Variants in GSAP observed in about 807,000 individuals in gnomAD.
GSAP encodes the protein gamma-secretase-activating protein.
GSAP carries 118 observed loss-of-function variants against 131.7 expected under a neutral mutation model. That is an observed-to-expected ratio of 0.90 (90% CI 0.77 to 1.04). GSAP has a LOEUF of 1.04. Among genes scored for constraint, GSAP ranks in the 50% least tolerant of loss-of-function variants. The probability of loss-of-function intolerance (pLI) is 0.00; values close to 1 mark genes in which losing one functional copy is unlikely to be tolerated. For missense variants in GSAP, 1,019 were observed against 1,013.2 expected, an observed-to-expected ratio of 1.01 and a Z score of -0.08; for synonymous variants, 381 against 363.4, an observed-to-expected ratio of 1.05 and a Z score of -0.55.
intron 14 of GSAP, among the ~76,000 whole-genome samples, chr7:77,357,768 C>T (rs1739968660): frequency 6.6e-6 from 1 of 152,208 alleles, no homozygotes; most frequent in Admixed American, 6.5e-5. Context: ...AAATTCTTCC[C>T]TGGAGCCTCC....
At chr7:77,385,555 A>G (rs895422482) in intron 6 of GSAP, among the ~76,000 whole-genome samples, 2 of 152,190 alleles carry the variant, frequency 1.3e-5, no homozygotes, top group African/African-American at 2.4e-5. Context: ...TAAGGAAGCC[A>G]AAGAACAGAC....
In GSAP at chr7:77,310,930, G is replaced by A. The variant is rs1794285075; in HGVS notation, c.*428C>T. On this transcript the variant is annotated 3_prime_UTR_variant, in exon 31 of 31. Coordinates refer to ENST00000257626, the MANE Select transcript of GSAP (RefSeq NM_017439.4). ...TTTAGTACAAATTCAGTTTTTAAAA[G>A]GACCCTCTTTCCAAATAGTGTTCTT... 1 of 155,912 alleles carries A rather than the reference G, an allele frequency of 6.4e-6. No individual in the cohort carries two copies. The highest frequency in any genetic ancestry group is 2.4e-5 in the African/African-American group (1 of 41,526). 9.7% of individuals were successfully genotyped at this position (155,912 alleles called of 1,614,324 possible). A position where few individuals can be genotyped will look rare whatever the true frequency, so the allele number is the denominator to read the frequency against.
At chr7:77,322,781 C>A (rs1399395717) in intron 24 of GSAP, among the ~76,000 whole-genome samples, 1 of 151,832 alleles carries the variant, frequency 6.6e-6, no homozygotes, top group African/African-American at 2.4e-5. Flanking sequence ...TCAAACCTTA[C>A]TATAGAAATT....
chr7:77,370,151 A>C (rs1795901595), intron 12 of GSAP, among the ~76,000 whole-genome samples: 1 of 152,172 alleles, frequency 6.6e-6, no homozygotes, highest in Admixed American at 6.5e-5. Context: ...GTTCATATCC[A>C]ATAGATTTAA....
chr7:77,313,649 T>C, intron 27 of GSAP, 100 bp from the exon 28 acceptor site: 1 of 595,140 alleles, frequency 1.7e-6, no homozygotes, highest in Non-Finnish European at 3.0e-6. Flanking sequence ...ATAGGACATA[T>C]CCCAACTGTG....
intron 1 of GSAP, chr7:77,415,873 C>A: frequency 4.1e-6 from 1 of 243,116 alleles, no homozygotes; most frequent in African/African-American, 2.2e-5. Context: ...GATGCGGCCG[C>A]TGAGCTGAGC....
chr7:77,382,011 G>A (rs577807962), intron 7 of GSAP, among the ~76,000 whole-genome samples: 1 of 148,868 alleles, frequency 6.7e-6, no homozygotes, highest in Admixed American at 6.8e-5. Flanking sequence ...ATCTTGTAAT[G>A]CAAAAGACAG....
chr7:77,391,142 A>G (rs147994175), intron 5 of GSAP, among the ~76,000 whole-genome samples: 16,593 of 138,608 alleles, frequency 0.12, 1,245 homozygotes, highest in Non-Finnish European at 0.15. Flanking sequence ...AAAAAAAAAA[A>G]AAAAAGAAAA....
intron 16 of GSAP, 149 bp downstream of exon 16, chr7:77,355,064 A>G (rs1793450695): frequency 1.7e-6 from 1 of 601,688 alleles, no homozygotes; most frequent in Non-Finnish European, 2.9e-6. Context: ...ATAAAAAAGC[A>G]GCGCAAAAGA....
At chr7:77,396,874 C>T (rs749613104) in intron 5 of GSAP, 108 bp downstream of exon 5, 27 of 596,672 alleles carry the variant, frequency 4.5e-5, no homozygotes, top group Non-Finnish European at 6.5e-5. Context: ...TTCTGAGATA[C>T]GATAAGGCTA....
intron 12 of GSAP, among the ~76,000 whole-genome samples, chr7:77,371,351 T>C (rs1209103298): frequency 6.6e-6 from 1 of 152,170 alleles, no homozygotes; most frequent in Admixed American, 6.5e-5. Flanking sequence ...TTCACCCTTA[T>C]TTCAAACACA....
In GSAP at chr7:77,355,331, A is replaced by G; in HGVS notation, c.1220T>C (p.Leu407Pro). Residue 407 changes from leucine to proline, a missense_variant, in exon 16 of 31, where the codon CTG becomes CCG. Physicochemically the swap from Leu to Pro is moderately conservative, Grantham distance 98 (BLOSUM62 -3). Transcript: ENST00000257626. ...DCCSGKLYRA[L>P]LSQSSLLQLL... ...CTGTAATAAAGACGACTGGCTGAGC[A>G]GTGCTCTATAGAGCTTTCCAGAACA... is the stretch of plus-strand genomic sequence containing the variant. 6.2e-7 allele frequency: 1 copy of G among 1,613,224 alleles called. No homozygotes were observed. The highest frequency in any genetic ancestry group is 1.1e-5 in the South Asian group (1 of 91,030).
At chr7:77,356,244 T>C (rs1244989570) in intron 14 of GSAP, among the ~76,000 whole-genome samples, 1 of 152,248 alleles carries the variant, frequency 6.6e-6, no homozygotes, top group East Asian at 1.9e-4. Flanking sequence ...TAGCTATGGT[T>C]ATCTTAATTT....
chr7:77,416,404 C>G (rs1454064742), upstream of GSAP: 2 of 642,214 alleles, frequency 3.1e-6, no homozygotes, highest in Non-Finnish European at 4.9e-6. Context: ...GCCCTCGCGT[C>G]CCCGCTCCCG....
chr7:77,312,713 A>G lies in GSAP; in HGVS notation c.2272-511T>C, dbSNP rs140489174. Reference sequence around the variant, plus strand: ...TTGCCTTTGCTTCAGTAAGCCTGTGAGTGAGGGGCAAGGGCCACTACAGAG... The same window carrying G: ...TTGCCTTTGCTTCAGTAAGCCTGTGGGTGAGGGGCAAGGGCCACTACAGAG... On this transcript the variant is annotated intron_variant, in intron 28 of 30. Coordinates refer to ENST00000257626, the MANE Select transcript of GSAP (RefSeq NM_017439.4). Among the ~76,000 whole-genome samples, 843 of 152,316 alleles carry G rather than the reference A, an allele frequency of 5.5e-3. 10 individuals are homozygous for G. The highest frequency in any genetic ancestry group is 0.018 in the African/African-American group (748 of 41,552).
At chr7:77,415,938 C>T in intron 1 of GSAP, 1 of 362,774 alleles carries the variant, frequency 2.8e-6, no homozygotes, top group Non-Finnish European at 5.0e-6. Context: ...AGCGGCCCGG[C>T]CCCTCTGCCA....
At position 77,345,830 on chromosome 7, in the gene GSAP, T is replaced by C. The variant is rs138996507; in HGVS notation, c.1545+3521A>G. ...GCACCCAGGTGATTAAAAAGCTCTA[T>C]TGCTCACACAAAGCCTGTTTGGTGG... On this transcript the variant is annotated intron_variant, in intron 19 of 30. Transcript: ENST00000257626. 1.9e-3 allele frequency among the ~76,000 whole-genome samples: 284 copies of C among 152,328 alleles called. 1 individual carries two copies. Among genetic ancestry groups the C allele is most frequent in the African/African-American group, 6.4e-3 (266 of 41,574 alleles).
At chr7:77,361,869 G>A (rs1354924548) in intron 13 of GSAP, among the ~76,000 whole-genome samples, 16 of 152,108 alleles carry the variant, frequency 1.1e-4, no homozygotes. Context: ...TGTGTGAAAT[G>A]GAATAAATGT....
intron 3 of GSAP, among the ~76,000 whole-genome samples, chr7:77,401,466 G>A (rs1447052644): frequency 6.6e-6 from 1 of 151,910 alleles, no homozygotes; most frequent in Non-Finnish European, 1.5e-5. Flanking sequence ...GGAACAAAAA[G>A]AACTATGAAT....
Sources: gnomAD v4.1 joint callset for allele counts (sites outside exome capture counted in the v4.1 genomes callset) on GRCh38, gnomAD v4.1.1 for gene constraint, MANE v1.5 for transcripts, NCBI Gene and HGNC (gene_info 2026-07-23, HGNC 2026-07-21) for gene names.